The following SLC22A12 variants were observed in gnomAD, a reference collection of about 807,000 sequenced individuals.
SLC22A12 encodes the protein solute carrier family 22 member 12.
Under a neutral mutation model 52.7 loss-of-function variants are expected in SLC22A12, and 56 were observed. The ratio of observed to expected loss-of-function variants is 1.06; its 90% CI spans 0.86 to 1.33. The LOEUF (loss-of-function observed/expected upper bound fraction) is 1.33, where lower values mean the gene tolerates loss of function less well. Among genes scored for constraint, SLC22A12 ranks in the 40% most tolerant of loss-of-function variants. The probability of loss-of-function intolerance (pLI) is 0.00; values close to 1 mark genes in which losing one functional copy is unlikely to be tolerated. For synonymous variants in SLC22A12, 337 were observed against 324.6 expected (o/e 1.04, Z -0.41); for missense variants, 683 against 741.5 (o/e 0.92, Z 0.92).
At position 64,591,972 on chromosome 11, in the gene SLC22A12, C is replaced by A. The variant is rs770406971; in HGVS notation, c.402+14C>A. On this transcript the variant is annotated intron_variant, in intron 1 of 9. Transcript: ENST00000377574. ...ATCGTGGCCAAGGTAGGGCCTCCCC[C>A]AGAGCCACTCGAGTCCCACCACCTT... 3 of 1,608,188 alleles carry A rather than the reference C, an allele frequency of 1.9e-6. No homozygotes were observed. Among genetic ancestry groups the A allele is most frequent in the Non-Finnish European group, 1.7e-6 (2 of 1,179,744 alleles).
At position 64,591,659 on chromosome 11, in the gene SLC22A12, A is replaced by G; in HGVS notation, c.103A>G (p.Ser35Gly). The stretch of plus-strand genomic sequence containing the variant: ...CTCCATCATGTGGCTGTGTACCCAG[A>G]GCATGCTGGAGAACTTCTCGGCCGC... ...MVSIMWLCTQ[S>G]MLENFSAAVP... is the part of the protein sequence containing the mutation. The change falls in exon 1 of 10, where the codon AGC becomes GGC. Residue 35 changes from serine to glycine, a missense_variant. By Grantham distance (56) the Ser-to-Gly change is moderately conservative. Coordinates refer to ENST00000377574, the MANE Select transcript of SLC22A12 (RefSeq NM_144585.4). The G allele has an allele frequency of 6.2e-7, 1 of 1,612,894 alleles. No individual in the cohort carries two copies. The highest frequency in any genetic ancestry group is 8.5e-7 in the Non-Finnish European group (1 of 1,179,996).
intron 4 of SLC22A12, among the ~76,000 whole-genome samples, chr11:64,596,374 GGAA>G (rs2039243767): frequency 4.0e-5 from 5 of 123,824 alleles, no homozygotes; most frequent in South Asian, 5.0e-4. Context: ...ATGGATGGAT[GGAA>G]TGGATGGATG....
chr11:64,601,368 C>A, intron 9 of SLC22A12, 120 bp from the exon 10 acceptor site: 1 of 995,664 alleles, frequency 1.0e-6, no homozygotes, highest in Non-Finnish European at 1.6e-6. Context: ...CTCGGGAGCT[C>A]AGTTCTGGGC....
chr11:64,601,074 C>A, intron 9 of SLC22A12, 136 bp downstream of exon 9: 1 of 1,165,142 alleles, frequency 8.6e-7, no homozygotes, highest in Non-Finnish European at 1.2e-6. Context: ...CCCAGAGTCA[C>A]ACAGTACATC....
rs1301584100 is a variant in SLC22A12 at position 64,591,595 on chromosome 11, G to A, written c.39G>A (p.Leu13=). The change falls in exon 1 of 10, where the codon CTG becomes CTA. Residue 13 remains leucine, a synonymous_variant. Transcript: ENST00000377574. ...FSELLDLVGG[L]GRFQVLQTMA... ...AACTCCTGGACCTCGTGGGTGGCCT[G>A]GGCAGGTTCCAGGTTCTCCAGACGA... 3.1e-6 allele frequency: 5 copies of A among 1,613,074 alleles called. 1 individual carries two copies. The African/African-American group carries it at 4.0e-5, about 13-fold the overall frequency.
chr11:64,594,987 G>GGATGGA (rs2039065462), intron 4 of SLC22A12, among the ~76,000 whole-genome samples: 4 of 54,546 alleles, frequency 7.3e-5, no homozygotes, highest in African/African-American at 6.0e-4. Flanking sequence ...GGATGGATGG[G>GGATGGA]TGGATGGATG....
At position 64,591,399 on chromosome 11, in the gene SLC22A12, C is replaced by T. The variant is rs908096679; in HGVS notation, c.-158C>T. The T allele has an allele frequency of 7.1e-6, 7 of 981,988 alleles. No individual in the cohort carries two copies. In the African/African-American group the frequency reaches 9.7e-5, roughly 14 times the overall value. 60.8% of individuals were successfully genotyped at this position (981,988 alleles called of 1,614,324 possible). On this transcript the variant is annotated 5_prime_UTR_variant, in exon 1 of 10. Coordinates refer to ENST00000377574, the MANE Select transcript of SLC22A12 (RefSeq NM_144585.4). ...ACCAGCAGGCAGATGACCAGAGAGC[C>T]TGAGCCTCCGGCCCCGAGTCTGTGA...
intron 4 of SLC22A12, among the ~76,000 whole-genome samples, chr11:64,597,268 C>G (rs1175709098): frequency 6.6e-6 from 1 of 152,132 alleles, no homozygotes; most frequent in African/African-American, 2.4e-5. Flanking sequence ...TCCACACTCT[C>G]TCCCTCAGGC....
At chr11:64,599,996 T>C in intron 7 of SLC22A12, 106 bp downstream of exon 7, 1 of 1,386,608 alleles carries the variant, frequency 7.2e-7, no homozygotes, top group East Asian at 2.5e-5. Context: ...GGTACCCTGG[T>C]AGGAAGGAGG....
chr11:64,591,980 C>G (rs1164399557), intron 1 of SLC22A12, 22 bp downstream of exon 1: 5 of 1,606,826 alleles, frequency 3.1e-6, no homozygotes, highest in Non-Finnish European at 4.2e-6. Flanking sequence ...CCCAGAGCCA[C>G]TCGAGTCCCA....
chr11:64,599,593 C>CCCCCCCCCCCCTTGTT, intron 6 of SLC22A12, 83 bp from the exon 7 acceptor site: 9 of 669,448 alleles, frequency 1.3e-5, no homozygotes, highest in South Asian at 5.2e-5. Flanking sequence ...CACCCTGAGC[C>CCCCCCCCCCCCTTGTT]CCCACCGCCC....
At chr11:64,595,539 AATGGATGGATGGATGGATGGTTGGAATGG>A (rs2039141032) in intron 4 of SLC22A12, among the ~76,000 whole-genome samples, 3 of 21,544 alleles carry the variant, frequency 1.4e-4, no homozygotes, top group Non-Finnish European at 6.9e-4. Flanking sequence ...GGATGGTTGG[AATGGATGGATGGATGGATGGTTGGAATGG>A]ATGGATGGAT....
intron 7 of SLC22A12, 38 bp downstream of exon 7, chr11:64,599,928 C>G: frequency 1.3e-6 from 2 of 1,595,486 alleles, no homozygotes; most frequent in Non-Finnish European, 1.7e-6. Flanking sequence ...ACTTCCCTAC[C>G]TTGGGGGGGT....
At chr11:64,598,377 C>T in intron 4 of SLC22A12, 139 bp from the exon 5 acceptor site, 1 of 1,245,530 alleles carries the variant, frequency 8.0e-7, no homozygotes, top group South Asian at 1.3e-5. Context: ...GGCTTGGCTG[C>T]CACAACGCCC....
rs776708859 is a variant in SLC22A12 at position 64,601,465 on chromosome 11, ACCC to A, written c.1599-20_1599-18del. ...GGGGCCACTCCGCACCCCAAGACAC[ACCC>A]CCGTGTGCTTCCTGAACAGGGCAGT... On this transcript the variant is annotated intron_variant, in intron 9 of 9. Coordinates refer to ENST00000377574, the MANE Select transcript of SLC22A12 (RefSeq NM_144585.4). 7 of 1,611,610 alleles carry A rather than the reference ACCC, an allele frequency of 4.3e-6. No individual in the cohort carries two copies. The highest frequency in any genetic ancestry group is 5.9e-6 in the Non-Finnish European group (7 of 1,179,072).
chr11:64,595,024 TG>T (rs1349047553), intron 4 of SLC22A12, among the ~76,000 whole-genome samples: 2 of 33,140 alleles, frequency 6.0e-5, no homozygotes, highest in Non-Finnish European at 2.3e-4. Flanking sequence ...GATGGATGGT[TG>T]GAATAGATGG....
intron 4 of SLC22A12, among the ~76,000 whole-genome samples, chr11:64,598,013 G>C (rs2039308550): frequency 6.6e-6 from 1 of 152,166 alleles, no homozygotes; most frequent in Non-Finnish European, 1.5e-5. Context: ...TGGCTGTGAA[G>C]CTGTTTGCAG....
chr11:64,599,984 C>A, intron 7 of SLC22A12, 94 bp downstream of exon 7: 1 of 1,452,364 alleles, frequency 6.9e-7, no homozygotes, highest in Non-Finnish European at 9.4e-7. Flanking sequence ...TGGACTAGAG[C>A]AGGTACCCTG....
At position 64,601,574 on chromosome 11, in the gene SLC22A12, G is replaced by A. The variant is rs770768508; in HGVS notation, c.*23G>A. The A allele has an allele frequency of 8.7e-6, 14 of 1,612,850 alleles. No individual in the cohort carries two copies. The highest frequency in any genetic ancestry group is 1.2e-5 in the Non-Finnish European group (14 of 1,179,150). On this transcript the variant is annotated 3_prime_UTR_variant, in exon 10 of 10. Transcript: ENST00000377574. ...TAGCCTCCTGGGGAACCTGCGATGG[G>A]ACGGTCAGAGGAAGAGACTTCTTCT...
Sources: allele counts gnomAD v4.1 joint callset (sites outside exome capture counted in the v4.1 genomes callset), GRCh38; gene constraint gnomAD v4.1.1; transcripts MANE v1.5; gene names NCBI Gene and HGNC (gene_info 2026-07-23, HGNC 2026-07-21).